The following TAFA2 variants were observed in gnomAD, a reference collection of about 807,000 sequenced individuals.
TAFA2 encodes chemokine-like protein TAFA-2.
Under a neutral mutation model 18.8 loss-of-function variants are expected in TAFA2, and 7 were observed. The observed-to-expected ratio is 0.37, with a 90% confidence interval of 0.21 to 0.70. TAFA2 has a LOEUF of 0.70. TAFA2 is among the 30% of genes least tolerant of loss of function. TAFA2 has a pLI of 0.53. For missense variants in TAFA2, 122 were observed against 158.1 expected, an observed-to-expected ratio of 0.77 and a Z score of 1.23; for synonymous variants, 60 against 54.2, an observed-to-expected ratio of 1.11 and a Z score of -0.47.
chr12:62,061,700 G>A (rs1297572069), intron 1 of TAFA2, among the ~76,000 whole-genome samples: 2 of 152,112 alleles, frequency 1.3e-5, no homozygotes, highest in African/African-American at 4.8e-5. Flanking sequence ...GGAAAGTAGA[G>A]GCACCACATG....
At chr12:62,244,339 A>C (rs991151295) in intron 1 of TAFA2, among the ~76,000 whole-genome samples, 20 of 151,608 alleles carry the variant, frequency 1.3e-4, no homozygotes, top group African/African-American at 4.6e-4. Context: ...ATACACACAC[A>C]TGCATTTTTT....
chr12:61,937,734 A>G (rs1048018913), intron 1 of TAFA2, among the ~76,000 whole-genome samples: 1 of 152,206 alleles, frequency 6.6e-6, no homozygotes, highest in African/African-American at 2.4e-5. Context: ...ATTCTTCTGG[A>G]CGTTGGCCTA....
chr12:61,806,324 G>A (rs12300354), intron 2 of TAFA2, among the ~76,000 whole-genome samples: 2,216 of 152,148 alleles, frequency 0.015, 49 homozygotes, highest in African/African-American at 0.05. Flanking sequence ...TATTTTAAGG[G>A]GGAGTTTCCC....
At chr12:61,745,545 C>G (rs1868662495) in intron 4 of TAFA2, among the ~76,000 whole-genome samples, 1 of 152,258 alleles carries the variant, frequency 6.6e-6, no homozygotes, top group East Asian at 1.9e-4. Context: ...ACACTCCCCA[C>G]TTCCCTTCCC....
chr12:62,165,216 T>G (rs1352442570), intron 1 of TAFA2, among the ~76,000 whole-genome samples: 2 of 152,114 alleles, frequency 1.3e-5, no homozygotes, highest in East Asian at 3.9e-4. Context: ...CTTTTAACCT[T>G]TCTGCTGCAT....
At chr12:62,025,655 A>G (rs1198695416) in intron 1 of TAFA2, among the ~76,000 whole-genome samples, 1 of 152,116 alleles carries the variant, frequency 6.6e-6, no homozygotes. Context: ...TACAATTGCT[A>G]TTGTAAAAAT....
chr12:61,777,848 ACTTTT>A (rs1292641241), intron 2 of TAFA2, among the ~76,000 whole-genome samples: 3 of 151,798 alleles, frequency 2.0e-5, no homozygotes, highest in Admixed American at 6.6e-5. Context: ...GATAGAAATA[ACTTTT>A]CTTTTAACCC....
intron 1 of TAFA2, among the ~76,000 whole-genome samples, chr12:62,060,998 C>A (rs1411897618): frequency 7.6e-6 from 1 of 131,690 alleles, no homozygotes; most frequent in Non-Finnish European, 1.6e-5. Context: ...AGTGTTATTA[C>A]CAGAGTCAAA....
intron 1 of TAFA2, among the ~76,000 whole-genome samples, chr12:62,232,943 T>C (rs527331025): frequency 5.0e-4 from 76 of 152,100 alleles, no homozygotes; most frequent in African/African-American, 1.6e-3. Flanking sequence ...TCCTTTTATC[T>C]GCCGTTAGCT....
intron 1 of TAFA2, among the ~76,000 whole-genome samples, chr12:62,068,388 G>C (rs1372688951): frequency 1.3e-5 from 2 of 152,106 alleles, no homozygotes; most frequent in Middle Eastern, 3.2e-3. Flanking sequence ...TTAGTGTCTT[G>C]AGGATGGAGT....
At chr12:62,210,768 G>A (rs2062710017) in intron 1 of TAFA2, among the ~76,000 whole-genome samples, 1 of 152,014 alleles carries the variant, frequency 6.6e-6, no homozygotes, top group Non-Finnish European at 1.5e-5. Context: ...AGAAACAATC[G>A]AAAGGAGTAA....
At chr12:62,101,334 T>C (rs139020808) in intron 1 of TAFA2, among the ~76,000 whole-genome samples, 1 of 152,242 alleles carries the variant, frequency 6.6e-6, no homozygotes, top group Non-Finnish European at 1.5e-5. Flanking sequence ...AATGAGTCTA[T>C]AGGTGCTAAG....
At chr12:62,011,977 A>G (rs191872879) in intron 1 of TAFA2, among the ~76,000 whole-genome samples, 12 of 152,314 alleles carry the variant, frequency 7.9e-5, no homozygotes, top group African/African-American at 2.6e-4. Flanking sequence ...TAGGGATTCT[A>G]TGAGAATAGA....
chr12:61,906,457 G>A (rs1876358461), intron 1 of TAFA2, among the ~76,000 whole-genome samples: 1 of 152,166 alleles, frequency 6.6e-6, no homozygotes, highest in Non-Finnish European at 1.5e-5. Context: ...CCATGATTGT[G>A]AGACCTCTCC....
chr12:62,200,119 T>C (rs1004212133), intron 1 of TAFA2, among the ~76,000 whole-genome samples: 1 of 152,192 alleles, frequency 6.6e-6, no homozygotes, highest in African/African-American at 2.4e-5. Context: ...TTTCTTCTTG[T>C]AAATTTGTTT....
intron 2 of TAFA2, among the ~76,000 whole-genome samples, chr12:61,769,055 C>A (rs560418726): frequency 2.0e-5 from 3 of 151,890 alleles, no homozygotes; most frequent in Non-Finnish European, 4.4e-5. Context: ...CTGGCTGAGG[C>A]CTGTCACTGC....
chr12:61,749,112 A>T (rs893086954), intron 4 of TAFA2, among the ~76,000 whole-genome samples: 2 of 150,454 alleles, frequency 1.3e-5, no homozygotes, highest in Admixed American at 1.3e-4. Context: ...CTAAAAATAA[A>T]AAAAAAAAAA....
rs564601708 is a variant in TAFA2 at position 61,834,323 on chromosome 12, G to C, written c.106+32997C>G. ...GGCCGCATAAGCAGGAAGTCAGAAA[G>C]ATCAATAGCATCAGGCTGTCTGCTG... On this transcript the variant is annotated intron_variant, in intron 2 of 4. Coordinates refer to ENST00000416284, the MANE Select transcript of TAFA2 (RefSeq NM_178539.5). Among the ~76,000 whole-genome samples, 15 of 152,152 alleles carry C rather than the reference G, an allele frequency of 9.9e-5. No individual in the cohort carries two copies. The East Asian group carries it at 2.7e-3, about 28-fold the overall frequency.
chr12:61,894,378 C>G (rs1388587607), intron 1 of TAFA2, among the ~76,000 whole-genome samples: 10 of 152,206 alleles, frequency 6.6e-5, no homozygotes, highest in Admixed American at 6.5e-4. Context: ...CTTTGGACCT[C>G]TTGACCTTTG....
Sources: allele counts gnomAD v4.1 joint callset (sites outside exome capture counted in the v4.1 genomes callset), GRCh38; gene constraint gnomAD v4.1.1; transcripts MANE v1.5; gene names NCBI Gene and HGNC (gene_info 2026-07-23, HGNC 2026-07-21).